Variants in PCDHGB7 observed in about 807,000 individuals in gnomAD.
PCDHGB7 encodes protocadherin gamma-B7.
Under a neutral mutation model 61.4 loss-of-function variants are expected in PCDHGB7, and 37 were observed. The ratio of observed to expected loss-of-function variants is 0.60; its 90% CI spans 0.46 to 0.79. The LOEUF is 0.79. PCDHGB7 is among the 30% of genes least tolerant of loss of function. The pLI is 0.00. For missense variants in PCDHGB7, 1,166 were observed against 1,202.5 expected, an observed-to-expected ratio of 0.97 and a Z score of 0.45; for synonymous variants, 464 against 503.5, an observed-to-expected ratio of 0.92 and a Z score of 1.05.
At position 141,505,499 on chromosome 5, in the gene PCDHGB7, G is replaced by A. The variant is rs753203943; in HGVS notation, c.2563+18G>A. ...CGCCAGTGGTAAGTGGTGTCAGTGT[G>A]TGTATGGAAGAGTGGGAGACCTGGG... is the stretch of plus-strand genomic sequence containing the variant. On this transcript the variant is annotated intron_variant, in intron 3 of 3. Transcript: ENST00000398594. 6.2e-7 allele frequency: 1 copy of A among 1,614,172 alleles called. No homozygotes were observed. The highest frequency in any genetic ancestry group is 8.5e-7 in the Non-Finnish European group (1 of 1,179,982).
chr5:141,473,598 T>C (rs959841516), intron 1 of PCDHGB7, among the ~76,000 whole-genome samples: 8 of 152,066 alleles, frequency 5.3e-5, no homozygotes, highest in African/African-American at 1.9e-4. Flanking sequence ...CCTGTAGAAA[T>C]TAGCAAAGCA....
chr5:141,479,631 A>G (rs191955216), intron 1 of PCDHGB7: 1 of 152,282 alleles, frequency 6.6e-6, no homozygotes, highest in Non-Finnish European at 1.5e-5. Context: ...TCTCTTTAAC[A>G]ATAACAACAA....
chr5:141,421,092 C>T, intron 1 of PCDHGB7: 1 of 663,988 alleles, frequency 1.5e-6, no homozygotes, highest in Non-Finnish European at 2.5e-6. Flanking sequence ...CAGATCCTGA[C>T]ACTGGAGACT....
intron 1 of PCDHGB7, among the ~76,000 whole-genome samples, chr5:141,438,397 C>A (rs950830331): frequency 6.6e-6 from 1 of 151,624 alleles, no homozygotes. Context: ...TCATCATTAA[C>A]TCTCTGAAGT....
chr5:141,424,966 T>G (rs913951031), intron 1 of PCDHGB7, among the ~76,000 whole-genome samples: 17 of 152,174 alleles, frequency 1.1e-4, no homozygotes, highest in African/African-American at 3.9e-4. Flanking sequence ...TTGCCCCAAA[T>G]TACTTGGATA....
Position 141,474,743 on chromosome 5 carries a change from T to A in PCDHGB7, c.2416-20064T>A, listed in dbSNP as rs113053006. Among the ~76,000 whole-genome samples the A allele has an allele frequency of 4.0e-3, 610 of 152,354 alleles. 8 individuals carry two copies. The highest frequency in any genetic ancestry group is 0.014 in the African/African-American group (593 of 41,580). On this transcript the variant is annotated intron_variant, in intron 1 of 3. Transcript: ENST00000398594. ...AGGACTCTATGCAATCAAAGTGATG[T>A]CCAAGACAAATATACAGAAATAGTA...
intron 1 of PCDHGB7, among the ~76,000 whole-genome samples, chr5:141,492,927 G>A (rs925569925): frequency 2.0e-5 from 3 of 152,180 alleles, no homozygotes; most frequent in Admixed American, 6.5e-5. Context: ...AGCGATCTAG[G>A]GTCAGAGATT....
At chr5:141,510,810 A>G (rs1455434913) in intron 3 of PCDHGB7, 137 bp from the exon 4 acceptor site, 19 of 1,519,650 alleles carry the variant, frequency 1.3e-5, no homozygotes, top group Admixed American at 2.0e-5. Flanking sequence ...TACCTTGGTG[A>G]CCCCTATATT....
chr5:141,438,581 TAC>T (rs2097976954), intron 1 of PCDHGB7, among the ~76,000 whole-genome samples: 6 of 49,834 alleles, frequency 1.2e-4, no homozygotes, highest in African/African-American at 7.2e-4. Flanking sequence ...TATACATACA[TAC>T]ATACATACAT....
chr5:141,489,893 G>A lies in PCDHGB7; in HGVS notation c.2416-4914G>A. ...CTGGTGCTTACTGCTGTGGATGGGG[G>A]GACCCCAGCCCGCTCAGGGACCACC... On this transcript the variant is annotated intron_variant, in intron 1 of 3. Transcript: ENST00000398594. This position sits in a 1 kb window ranked among gnomAD's most constrained non-coding sequence, Gnocchi z 4.5. 6.2e-7 allele frequency: 1 copy of A among 1,614,190 alleles called. No individual in the cohort carries two copies. Among genetic ancestry groups the A allele is most frequent in the South Asian group, 1.1e-5 (1 of 91,084 alleles).
At chr5:141,479,671 G>A (rs1484965995) in intron 1 of PCDHGB7, 1 of 152,196 alleles carries the variant, frequency 6.6e-6, no homozygotes, top group Non-Finnish European at 1.5e-5. Flanking sequence ...AACTACAAAA[G>A]GAGAGTCTTT....
At position 141,511,622 on chromosome 5, in the gene PCDHGB7, A is replaced by G; in HGVS notation, c.*449A>G. 4.3e-6 allele frequency: 1 copy of G among 232,852 alleles called. No individual in the cohort carries two copies. The highest frequency in any genetic ancestry group is 8.7e-6 in the Non-Finnish European group (1 of 114,994). The allele number at this position is 232,852 out of a possible 1,614,324, so 14.4% of individuals were successfully genotyped here. A position where few individuals can be genotyped will look rare whatever the true frequency, so the allele number is the denominator to read the frequency against. On this transcript the variant is annotated 3_prime_UTR_variant, in exon 4 of 4. Transcript: ENST00000398594. ...AACCTACAAGCCTCCTAGTTCTGAA[A>G]AGTTGGAAGGGCATCATGACCTCTT...
At chr5:141,444,876 G>A (rs921183358) in intron 1 of PCDHGB7, among the ~76,000 whole-genome samples, 1 of 152,186 alleles carries the variant, frequency 6.6e-6, no homozygotes, top group African/African-American at 2.4e-5. Flanking sequence ...GACAAAGCTT[G>A]TAGGATTTTT....
chr5:141,473,148 C>T (rs1381616255), intron 1 of PCDHGB7, among the ~76,000 whole-genome samples: 1 of 152,184 alleles, frequency 6.6e-6, no homozygotes, highest in Non-Finnish European at 1.5e-5. Flanking sequence ...CTCTTCAGAT[C>T]ACTAGGGCTA....
chr5:141,485,737 C>T lies in PCDHGB7; in HGVS notation c.2416-9070C>T. On this transcript the variant is annotated intron_variant, in intron 1 of 3. Coordinates refer to ENST00000398594, the MANE Select transcript of PCDHGB7 (RefSeq NM_018927.4). The surrounding 1 kb of genome is among the most constrained non-coding windows in gnomAD (Gnocchi z 5.7). ...TGGATGTGAAGAAGCGCAGCGACGGCAGCCTGGTCCCAGAGCTGCTCCTGG... is the reference window on the plus strand; with the variant it reads ...TGGATGTGAAGAAGCGCAGCGACGGTAGCCTGGTCCCAGAGCTGCTCCTGG... 6.2e-7 allele frequency: 1 copy of T among 1,614,222 alleles called. No individual in the cohort carries two copies. Among genetic ancestry groups the T allele is most frequent in the Non-Finnish European group, 8.5e-7 (1 of 1,180,036 alleles).
intron 2 of PCDHGB7, among the ~76,000 whole-genome samples, chr5:141,495,943 C>T (rs998665622): frequency 3.9e-5 from 6 of 152,010 alleles, no homozygotes; most frequent in African/African-American, 1.4e-4. Flanking sequence ...GTCTCTGTGC[C>T]TGTTGTCTTT....
chr5:141,475,300 T>C (rs1383092136), intron 1 of PCDHGB7, among the ~76,000 whole-genome samples: 3 of 152,332 alleles, frequency 2.0e-5, no homozygotes, highest in South Asian at 2.1e-4. Context: ...AATTTCTTAT[T>C]GCTCCCTGGT....
rs758132181 is a variant in PCDHGB7, at chr5:141,486,827, C to T, written c.2416-7980C>T. On this transcript the variant is annotated intron_variant, in intron 1 of 3. Coordinates refer to ENST00000398594, the MANE Select transcript of PCDHGB7 (RefSeq NM_018927.4). This position sits in a 1 kb window ranked among gnomAD's most constrained non-coding sequence, Gnocchi z 5.0. The stretch of plus-strand genomic sequence containing the variant: ...ACCCCTTAGCAGCACTGTAACAGTT[C>T]GTCTATTTGTGCTGGACCTCAATGA... 10 of 1,614,110 alleles carry T rather than the reference C, an allele frequency of 6.2e-6. No individual in the cohort carries two copies. The African/African-American group carries it at 8.0e-5, about 13-fold the overall frequency.
Position 141,486,087 on chromosome 5 carries a change from T to G in PCDHGB7, c.2416-8720T>G. 4 of 1,614,176 alleles carry G rather than the reference T, an allele frequency of 2.5e-6. No individual in the cohort carries two copies. The highest frequency in any genetic ancestry group is 3.4e-6 in the Non-Finnish European group (4 of 1,180,028). ...CCCACTACTGGAAAGCTTACTCTTT[T>G]GGGGCCCCTAGACTTTGAGAGTGAG... On this transcript the variant is annotated intron_variant, in intron 1 of 3. Coordinates refer to ENST00000398594, the MANE Select transcript of PCDHGB7 (RefSeq NM_018927.4). This position sits in a 1 kb window ranked among gnomAD's most constrained non-coding sequence, Gnocchi z 5.0.
Sources: allele counts gnomAD v4.1 joint callset (sites outside exome capture counted in the v4.1 genomes callset), GRCh38; gene constraint gnomAD v4.1.1; non-coding constraint Gnocchi (gnomAD v3.1); transcripts MANE v1.5; gene names NCBI Gene and HGNC (gene_info 2026-07-23, HGNC 2026-07-21).